The following DCLRE1C variants were observed in gnomAD, a reference collection of about 807,000 sequenced individuals.
DCLRE1C encodes the protein DNA cross-link repair 1C.
Under a neutral mutation model 61.4 loss-of-function variants are expected in DCLRE1C, and 47 were observed. The observed-to-expected ratio is 0.77, with a 90% CI of 0.61 to 0.98. The LOEUF (loss-of-function observed/expected upper bound fraction) is 0.98, where lower values mean the gene tolerates loss of function less well. Ranked by LOEUF, DCLRE1C falls within the 50% of genes least tolerant of loss-of-function variation. The pLI is 0.00. For missense variants in DCLRE1C, 858 were observed against 816.0 expected (o/e 1.05, Z -0.63); for synonymous variants, 337 against 287.6 (o/e 1.17, Z -1.74).
intron 9 of DCLRE1C, among the ~76,000 whole-genome samples, chr10:14,931,900 G>A (rs1420891927): frequency 6.6e-6 from 1 of 151,824 alleles, no homozygotes; most frequent in East Asian, 2.0e-4. Flanking sequence ...CAAGCATGGT[G>A]GTGCATGCCT....
chr10:14,934,780 A>G lies in DCLRE1C; in HGVS notation c.465-5T>C. The G allele has an allele frequency of 6.2e-7, 1 of 1,608,632 alleles. No homozygotes were observed. The highest frequency in any genetic ancestry group is 8.5e-7 in the Non-Finnish European group (1 of 1,174,960). Reference sequence around the variant, plus strand: ...ACACTTTGGATGTCTTTGACTCTGAAAAGAAAAAAAATTGATGTTAGCCAT... The same window carrying G: ...ACACTTTGGATGTCTTTGACTCTGAGAAGAAAAAAAATTGATGTTAGCCAT... On this transcript the variant is annotated splice_region_variant and splice_polypyrimidine_tract_variant and intron_variant, in intron 6 of 13. Transcript: ENST00000378278.
At chr10:14,949,911 A>G (rs1842211972) in intron 1 of DCLRE1C, among the ~76,000 whole-genome samples, 1 of 152,052 alleles carries the variant, frequency 6.6e-6, no homozygotes, top group Non-Finnish European at 1.5e-5. Context: ...CATGAATAGT[A>G]GCACACCCCT....
intron 9 of DCLRE1C, 82 bp from the exon 10 acceptor site, chr10:14,928,234 G>A: frequency 1.5e-6 from 2 of 1,291,782 alleles, no homozygotes; most frequent in South Asian, 1.4e-5. Context: ...AACAAAAGTA[G>A]AAAAGTTTCC....
At chr10:14,949,839 G>A (rs1842202365) in intron 1 of DCLRE1C, among the ~76,000 whole-genome samples, 1 of 152,058 alleles carries the variant, frequency 6.6e-6, no homozygotes, top group African/African-American at 2.4e-5. Context: ...GAGGTCAGAA[G>A]TTCAAGACCA....
chr10:14,927,062 T>C (rs1195128496), intron 10 of DCLRE1C, among the ~76,000 whole-genome samples, 165 bp from the exon 11 acceptor site: 1 of 152,206 alleles, frequency 6.6e-6, no homozygotes, highest in Non-Finnish European at 1.5e-5. Context: ...CTTCTTGGGA[T>C]AGCAGGGAAC....
At chr10:14,897,739 C>T (rs1306061374) in exon 14 of DCLRE1C, 1 of 322,000 alleles carries the variant, frequency 3.1e-6, no homozygotes, top group African/African-American at 2.1e-5. Context: ...TTGATATAGT[C>T]ATCTTTCAAC....
At chr10:14,953,069 C>G (rs143773259) in intron 1 of DCLRE1C, among the ~76,000 whole-genome samples, 54 of 152,358 alleles carry the variant, frequency 3.5e-4, no homozygotes, top group African/African-American at 1.2e-3. Flanking sequence ...CAAGGCCACA[C>G]AGCAGGAGGC....
chr10:14,907,857 C>CTTTTTTTTTTTTTTTTTTTT lies in DCLRE1C; in HGVS notation c.*531_*550dup, dbSNP rs60410513. The CTTTTTTTTTTTTTTTTTTTT allele has an allele frequency of 2.8e-5, 2 of 71,958 alleles. No individual in the cohort carries two copies. Among genetic ancestry groups the CTTTTTTTTTTTTTTTTTTTT allele is most frequent in the African/African-American group, 1.1e-4 (2 of 18,228 alleles). The allele number at this position is 71,958 out of a possible 1,614,324, so 4.5% of individuals were successfully genotyped here. A position where few individuals can be genotyped will look rare whatever the true frequency, so the allele number is the denominator to read the frequency against. Reference sequence around the variant, plus strand: ...GGGTTTAGTTCTACCATTTTTTTTTCTTTTTTTTTTTTTTTTTTTTTGAGA... The same window carrying CTTTTTTTTTTTTTTTTTTTT: ...GGGTTTAGTTCTACCATTTTTTTTTCTTTTTTTTTTTTTTTTTTTTTTTTTTTTTTTTTTTTTTTTTGAGA... On this transcript the variant is annotated 3_prime_UTR_variant, in exon 14 of 14. Coordinates refer to ENST00000378278, the MANE Select transcript of DCLRE1C (RefSeq NM_001033855.3).
chr10:14,932,753 T>G (rs1839236870), intron 9 of DCLRE1C, 101 bp downstream of exon 9: 5 of 1,390,462 alleles, frequency 3.6e-6, no homozygotes, highest in Non-Finnish European at 5.1e-6. Flanking sequence ...AGCCTCAGGT[T>G]TTACATTTGT....
chr10:14,912,027 G>A (rs1303099850), intron 13 of DCLRE1C, among the ~76,000 whole-genome samples: 4 of 152,212 alleles, frequency 2.6e-5, no homozygotes, highest in African/African-American at 4.8e-5. Flanking sequence ...GTTCCTTGGA[G>A]TGTTAAAACA....
chr10:14,915,755 G>A (rs1415437422), intron 13 of DCLRE1C, among the ~76,000 whole-genome samples: 1 of 151,800 alleles, frequency 6.6e-6, no homozygotes, highest in African/African-American at 2.4e-5. Flanking sequence ...AATTTTTCCA[G>A]AGACTGAGAA....
chr10:14,916,665 G>A (rs1836250583), intron 13 of DCLRE1C, among the ~76,000 whole-genome samples: 2 of 152,192 alleles, frequency 1.3e-5, no homozygotes, highest in Admixed American at 1.3e-4. Flanking sequence ...GTAATACCAT[G>A]TGCAACAGTA....
chr10:14,945,984 C>T (rs376381174), intron 2 of DCLRE1C, among the ~76,000 whole-genome samples: 5 of 125,210 alleles, frequency 4.0e-5, no homozygotes, highest in African/African-American at 1.2e-4. Flanking sequence ...TTTTAATGAA[C>T]AGAAATTAAT....
chr10:14,897,921 G>A (rs1265479239), exon 14 of DCLRE1C: 2 of 153,282 alleles, frequency 1.3e-5, no homozygotes, highest in African/African-American at 4.8e-5. Context: ...GTAGTTGGCA[G>A]AACTCTATTT....
chr10:14,954,211 G>C (rs917895244), upstream of DCLRE1C: 1 of 791,474 alleles, frequency 1.3e-6, no homozygotes, highest in African/African-American at 1.7e-5. Context: ...CGCTGCTTGG[G>C]TTTAAATCAC....
intron 4 of DCLRE1C, among the ~76,000 whole-genome samples, chr10:14,938,219 G>A (rs939415087): frequency 9.2e-5 from 14 of 152,222 alleles, no homozygotes; most frequent in African/African-American, 2.7e-4. Flanking sequence ...TCAGCCTGCT[G>A]TCGGCCCCCA....
At chr10:14,903,991 T>G (rs542619141), downstream of DCLRE1C, 1 of 152,332 alleles carries the variant, frequency 6.6e-6, no homozygotes, top group African/African-American at 2.4e-5. Flanking sequence ...GACCCTCAGA[T>G]TCTGTTAACC....
chr10:14,940,637 CT>C (rs1300746819), intron 3 of DCLRE1C, among the ~76,000 whole-genome samples: 1 of 152,100 alleles, frequency 6.6e-6, no homozygotes, highest in East Asian at 1.9e-4. Context: ...ACATTTCCCC[CT>C]GCCATCAAAA....
intron 3 of DCLRE1C, 132 bp from the exon 4 acceptor site, chr10:14,940,001 T>C (rs1242923156): frequency 4.6e-6 from 3 of 657,196 alleles, no homozygotes; most frequent in Non-Finnish European, 7.8e-6. Flanking sequence ...GATTACATTG[T>C]AATAAATATT....
Sources: gnomAD v4.1 joint callset for allele counts (sites outside exome capture counted in the v4.1 genomes callset) on GRCh38, gnomAD v4.1.1 for gene constraint, MANE v1.5 for transcripts, NCBI Gene and HGNC (gene_info 2026-07-23, HGNC 2026-07-21) for gene names.